DLC1: variants seen among roughly 807,000 people sequenced by gnomAD.
DLC1 encodes DLC1 Rho GTPase activating protein.
In DLC1, 54 loss-of-function variants were observed where a neutral mutation model predicts 140.3. The ratio of observed to expected loss-of-function variants is 0.38; its 90% CI spans 0.31 to 0.48. The LOEUF (loss-of-function observed/expected upper bound fraction) is 0.48, where lower values mean the gene tolerates loss of function less well. Among genes scored for constraint, DLC1 ranks in the 20% least tolerant of loss-of-function variants. The pLI, the probability that DLC1 is intolerant of heterozygous loss-of-function variation, is 0.96. For synonymous variants in DLC1, 986 were observed against 728.1 expected (o/e 1.35, Z -5.70); for missense variants, 2,536 against 1,907.0 (o/e 1.33, Z -6.14).
chr8:13,122,600 C>G (rs766148028), intron 5 of DLC1, among the ~76,000 whole-genome samples: 18 of 152,018 alleles, frequency 1.2e-4, no homozygotes, highest in Non-Finnish European at 2.2e-4. Context: ...GTTAAACATA[C>G]GCAGTTGCCA....
At chr8:13,367,956 T>A (rs764411254) in intron 4 of DLC1, among the ~76,000 whole-genome samples, 2 of 152,196 alleles carry the variant, frequency 1.3e-5, no homozygotes, top group Non-Finnish European at 2.9e-5. Context: ...ATCCCAATTA[T>A]GACCAATAAT....
rs1171810505 is a variant in DLC1 at position 13,590,256 on chromosome 8, T to C, written c.-126+14281A>G. 9.9e-5 allele frequency among the ~76,000 whole-genome samples: 15 copies of C among 152,162 alleles called. 1 individual carries two copies. The East Asian group carries it at 2.5e-3, about 26-fold the overall frequency. ...CCAACATTCTGGTGATTTCCCACAT[T>C]ATGAGTCCTCCCTTTCTAAGGTAGA... On this transcript the variant is annotated intron_variant, in intron 1 of 1. Coordinates refer to the DLC1 transcript ENST00000631382.
intron 5 of DLC1, among the ~76,000 whole-genome samples, chr8:13,295,995 C>G (rs1049585526): frequency 1.6e-5 from 2 of 128,554 alleles, no homozygotes; most frequent in African/African-American, 6.0e-5. Flanking sequence ...TTCTATTGCC[C>G]AGGCTGGAGT....
At chr8:13,429,322 T>C (rs1256661616) in intron 2 of DLC1, among the ~76,000 whole-genome samples, 1 of 152,210 alleles carries the variant, frequency 6.6e-6, no homozygotes, top group African/African-American at 2.4e-5. Flanking sequence ...AGAGCAGTGA[T>C]TTAAAATAGA....
At chr8:13,468,331 T>TC (rs1281848943) in intron 2 of DLC1, among the ~76,000 whole-genome samples, 1 of 75,892 alleles carries the variant, frequency 1.3e-5, no homozygotes, top group Non-Finnish European at 3.0e-5. Flanking sequence ...CTCTTTCCCT[T>TC]CCCCCCATTC....
At chr8:13,447,574 GA>G (rs1267433413) in intron 2 of DLC1, among the ~76,000 whole-genome samples, 1 of 151,860 alleles carries the variant, frequency 6.6e-6, no homozygotes, top group Non-Finnish European at 1.5e-5. Context: ...TTTTAGAAAA[GA>G]AAAAAACGTT....
chr8:13,487,190 A>T (rs1801007280), intron 2 of DLC1, among the ~76,000 whole-genome samples: 2 of 152,236 alleles, frequency 1.3e-5, no homozygotes, highest in Admixed American at 1.3e-4. Flanking sequence ...CAAAGAGTAT[A>T]CTTTTGCAAG....
At chr8:13,564,502 T>C (rs1214539132) in intron 1 of DLC1, among the ~76,000 whole-genome samples, 3 of 152,176 alleles carry the variant, frequency 2.0e-5, no homozygotes, top group African/African-American at 7.2e-5. Context: ...GTAGTCTCTC[T>C]TATACTTAAA....
At chr8:13,204,037 C>A (rs115295315) in intron 5 of DLC1, among the ~76,000 whole-genome samples, 2 of 152,114 alleles carry the variant, frequency 1.3e-5, no homozygotes, top group Middle Eastern at 3.4e-3. Context: ...GTAGTACTCA[C>A]GGTGTGTGTT....
At chr8:13,374,311 TTA>T (rs1835865595) in intron 4 of DLC1, among the ~76,000 whole-genome samples, 1 of 107,652 alleles carries the variant, frequency 9.3e-6, no homozygotes, top group African/African-American at 4.1e-5. Flanking sequence ...TTCTTTTTTT[TTA>T]ATGTATTGAT....
intron 1 of DLC1, among the ~76,000 whole-genome samples, chr8:13,547,546 C>G (rs980238433): frequency 6.6e-6 from 1 of 152,172 alleles, no homozygotes; most frequent in Non-Finnish European, 1.5e-5. Flanking sequence ...TGTCCTCAAA[C>G]AAAAGGTGAG....
chr8:13,298,601 A>G (rs1160314726), intron 5 of DLC1, among the ~76,000 whole-genome samples: 2 of 152,258 alleles, frequency 1.3e-5, no homozygotes, highest in Non-Finnish European at 2.9e-5. Flanking sequence ...AAGCAAGATA[A>G]TAAAACTGTA....
chr8:13,543,939 C>T (rs148146418), intron 1 of DLC1, among the ~76,000 whole-genome samples: 3 of 151,906 alleles, frequency 2.0e-5, no homozygotes, highest in East Asian at 1.9e-4. Flanking sequence ...CAGACTTCAC[C>T]ATTACACAGT....
intron 2 of DLC1, among the ~76,000 whole-genome samples, chr8:13,422,962 C>T (rs910449417): frequency 4.6e-5 from 7 of 152,124 alleles, no homozygotes; most frequent in East Asian, 1.9e-4. Flanking sequence ...GCCATGGAAG[C>T]GCATGGTGTG....
At chr8:13,391,119 A>G (rs1836741059) in intron 4 of DLC1, among the ~76,000 whole-genome samples, 1 of 152,202 alleles carries the variant, frequency 6.6e-6, no homozygotes, top group Non-Finnish European at 1.5e-5. Context: ...GGTACTCTTC[A>G]TGGCCTGCTA....
chr8:13,316,757 G>A (rs371663483), intron 4 of DLC1, among the ~76,000 whole-genome samples: 45 of 152,156 alleles, frequency 3.0e-4, no homozygotes, highest in Middle Eastern at 3.4e-3. Context: ...TTCCTTCTCT[G>A]GTCATTTGGG....
At chr8:13,545,535 C>T (rs991459572) in intron 1 of DLC1, among the ~76,000 whole-genome samples, 2 of 151,970 alleles carry the variant, frequency 1.3e-5, no homozygotes, top group Non-Finnish European at 2.9e-5. Flanking sequence ...GTTTACTCTT[C>T]TTATTCTCTG....
At chr8:13,456,393 C>G (rs1799391707) in intron 2 of DLC1, among the ~76,000 whole-genome samples, 1 of 152,088 alleles carries the variant, frequency 6.6e-6, no homozygotes, top group Non-Finnish European at 1.5e-5. Context: ...TGCTACATTT[C>G]TTTCTTGTGG....
At chr8:13,474,237 C>T (rs1800339064) in intron 2 of DLC1, among the ~76,000 whole-genome samples, 2 of 152,132 alleles carry the variant, frequency 1.3e-5, no homozygotes, top group Admixed American at 1.3e-4. Flanking sequence ...GCTTGGGCTT[C>T]AGAGGGTACA....
Sources: allele counts gnomAD v4.1 joint callset (sites outside exome capture counted in the v4.1 genomes callset), GRCh38; gene constraint gnomAD v4.1.1; transcripts MANE v1.5; gene names NCBI Gene and HGNC (gene_info 2026-07-23, HGNC 2026-07-21).